The following DAP3 variants were observed in gnomAD, a reference collection of about 807,000 sequenced individuals.
DAP3 encodes small ribosomal subunit protein mS29.
In DAP3, 28 loss-of-function variants were observed where a neutral mutation model predicts 51.9. That is an observed-to-expected ratio of 0.54 (90% confidence interval 0.40 to 0.74). The LOEUF (loss-of-function observed/expected upper bound fraction) is 0.74. DAP3 is among the 30% of genes least tolerant of loss of function. The pLI, the probability that DAP3 is intolerant of heterozygous loss-of-function variation, is 0.00. For missense variants in DAP3, 458 were observed against 483.5 expected, an observed-to-expected ratio of 0.95 and a Z score of 0.49; for synonymous variants, 170 against 170.3, an observed-to-expected ratio of 1.00 and a Z score of 0.01.
At chr1:155,689,717 T>TC in intron 1 of DAP3, 1 of 260,488 alleles carries the variant, frequency 3.8e-6, no homozygotes, top group South Asian at 3.4e-5. Flanking sequence ...ATCGAGACAA[T>TC]CCTGGCCAAC....
intron 9 of DAP3, among the ~76,000 whole-genome samples, chr1:155,730,171 GTTCATATATGTATATATAATA>G (rs1557797565): frequency 6.4e-5 from 8 of 125,854 alleles, no homozygotes; most frequent in Admixed American, 4.4e-4. Context: ...ATACCTATAT[GTTCATATATGTATATATAATA>G]TTCATATATG....
intron 3 of DAP3, among the ~76,000 whole-genome samples, chr1:155,720,341 A>T (rs1244451929): frequency 6.8e-6 from 1 of 147,438 alleles, no homozygotes; most frequent in Non-Finnish European, 1.5e-5. Flanking sequence ...AAAAAAAAAA[A>T]AAAAAAAAAA....
intron 1 of DAP3, among the ~76,000 whole-genome samples, chr1:155,691,106 A>G (rs1653763574): frequency 7.1e-6 from 1 of 141,726 alleles, no homozygotes; most frequent in East Asian, 1.9e-4. Context: ...ACGGGGTTTC[A>G]CCGTGTTAGC....
At chr1:155,688,074 G>A (rs745836656), upstream of DAP3, 2 of 1,582,488 alleles carry the variant, frequency 1.3e-6, no homozygotes, top group African/African-American at 2.7e-5. Context: ...TACTCACCGT[G>A]TCGGAGGCCG....
At chr1:155,697,946 T>G (rs947225291) in intron 1 of DAP3, among the ~76,000 whole-genome samples, 2 of 152,192 alleles carry the variant, frequency 1.3e-5, no homozygotes, top group African/African-American at 4.8e-5. Context: ...CCCAGGGTTA[T>G]TCCTTGCTGA....
intron 1 of DAP3, among the ~76,000 whole-genome samples, chr1:155,707,377 C>A (rs1269685888): frequency 6.7e-6 from 1 of 149,764 alleles, no homozygotes; most frequent in Non-Finnish European, 1.5e-5. Context: ...CGCGCCACTG[C>A]ACTCCAGCCT....
chr1:155,732,925 G>A (rs950181957), intron 11 of DAP3, among the ~76,000 whole-genome samples: 7 of 152,190 alleles, frequency 4.6e-5, no homozygotes, highest in Non-Finnish European at 5.9e-5. Flanking sequence ...TCAGGAGGCC[G>A]AGGTAGGAGA....
At chr1:155,731,506 C>T in intron 10 of DAP3, 91 bp downstream of exon 10, 3 of 1,322,636 alleles carry the variant, frequency 2.3e-6, no homozygotes, top group African/African-American at 1.5e-5. Context: ...ACTTTACAGT[C>T]TCTAATTTTA....
At chr1:155,736,845 A>T in intron 11 of DAP3, 101 bp from the exon 12 acceptor site, 1 of 972,554 alleles carries the variant, frequency 1.0e-6, no homozygotes, top group Non-Finnish European at 1.6e-6. Flanking sequence ...GTTACATAGA[A>T]GAAAAACAAA....
intron 6 of DAP3, 133 bp downstream of exon 6, chr1:155,726,152 C>T (rs1231543248): frequency 5.4e-5 from 41 of 752,650 alleles, no homozygotes; most frequent in East Asian, 1.5e-4. Flanking sequence ...TCGCTCTTGT[C>T]GGCCAGTCTG....
chr1:155,707,940 A>C (rs1333566527), intron 1 of DAP3, among the ~76,000 whole-genome samples: 4 of 152,106 alleles, frequency 2.6e-5, no homozygotes, highest in African/African-American at 4.8e-5. Context: ...GTCTCTATCT[A>C]CTGTTCTACT....
intron 3 of DAP3, 70 bp from the exon 4 acceptor site, chr1:155,721,447 T>G (rs1658006761): frequency 7.7e-7 from 1 of 1,304,094 alleles, no homozygotes. Context: ...TACACACACA[T>G]AGATAAGACA....
At chr1:155,736,842 A>G (rs1305088093) in intron 11 of DAP3, 104 bp from the exon 12 acceptor site, 1 of 932,838 alleles carries the variant, frequency 1.1e-6, no homozygotes, top group Non-Finnish European at 1.7e-6. Flanking sequence ...AGAGTTACAT[A>G]GAAGAAAAAC....
At chr1:155,688,394 A>T (rs762595463), upstream of DAP3, 1 of 1,540,922 alleles carries the variant, frequency 6.5e-7, no homozygotes, top group Non-Finnish European at 8.8e-7. Flanking sequence ...GCCTAGCGAC[A>T]CCCCCAACCT....
At chr1:155,712,774 CA>C (rs145339557) in intron 2 of DAP3, among the ~76,000 whole-genome samples, 31 of 147,400 alleles carry the variant, frequency 2.1e-4, no homozygotes, top group African/African-American at 2.0e-4. Flanking sequence ...TACCCTATGT[CA>C]AAAAAAAAAG....
chr1:155,710,237 T>TC (rs1389407613), intron 2 of DAP3: 1 of 157,122 alleles, frequency 6.4e-6, no homozygotes, highest in Non-Finnish European at 1.4e-5. Flanking sequence ...TACTTTTTTT[T>TC]TTTTTTTTTT....
intron 1 of DAP3, among the ~76,000 whole-genome samples, chr1:155,691,396 A>G (rs1653804562): frequency 7.0e-6 from 1 of 142,154 alleles, no homozygotes; most frequent in South Asian, 2.1e-4. Context: ...CTTTGTTTTG[A>G]AGGTTCATCC....
intron 1 of DAP3, chr1:155,689,504 T>A (rs1653372679): frequency 1.5e-5 from 7 of 452,402 alleles, no homozygotes. Flanking sequence ...TGCTTCTCAT[T>A]CAGTTCTGGA....
At position 155,723,333 on chromosome 1, in the gene DAP3, G is replaced by A. The variant is rs138954762; in HGVS notation, c.270+1715G>A. On this transcript the variant is annotated intron_variant, in intron 4 of 12. Coordinates refer to ENST00000368336, the MANE Select transcript of DAP3 (RefSeq NM_004632.4). ...GTGAGCCACAGCTCCCAGCCCTGATGTGACTTTTTTTTGAAATGGAGTTTC... is the reference window on the plus strand; with the variant it reads ...GTGAGCCACAGCTCCCAGCCCTGATATGACTTTTTTTTGAAATGGAGTTTC... Among the ~76,000 whole-genome samples the A allele has an allele frequency of 5.5e-4, 83 of 151,708 alleles. 3 individuals carry two copies. The East Asian group carries it at 0.014, about 26-fold the overall frequency.
Sources: gnomAD v4.1 joint callset for allele counts (sites outside exome capture counted in the v4.1 genomes callset) on GRCh38, gnomAD v4.1.1 for gene constraint, MANE v1.5 for transcripts, NCBI Gene and HGNC (gene_info 2026-07-23, HGNC 2026-07-21) for gene names.